Variants in CTNNA3 observed in about 807,000 individuals in gnomAD.
CTNNA3 encodes the protein catenin alpha-3.
CTNNA3 carries 76 observed loss-of-function variants against 95.7 expected under a neutral mutation model. The ratio of observed to expected loss-of-function variants is 0.79; its 90% CI spans 0.66 to 0.96. The LOEUF (loss-of-function observed/expected upper bound fraction) is 0.96, where lower values mean the gene tolerates loss of function less well. Ranked by LOEUF, CTNNA3 falls within the 40% of genes least tolerant of loss-of-function variation. CTNNA3 has a pLI of 0.00. For synonymous variants in CTNNA3, 431 were observed against 374.4 expected (o/e 1.15, Z -1.74); for missense variants, 1,191 against 1,089.8 (o/e 1.09, Z -1.31).
chr10:66,015,969 C>G (rs1164294591), intron 15 of CTNNA3, among the ~76,000 whole-genome samples: 2 of 152,046 alleles, frequency 1.3e-5, no homozygotes, highest in East Asian at 3.9e-4. Context: ...CCTCTATGTG[C>G]TTTCACTCAG....
intron 7 of CTNNA3, among the ~76,000 whole-genome samples, chr10:66,875,631 A>G (rs1013990564): frequency 7.4e-6 from 1 of 135,380 alleles, no homozygotes; most frequent in Non-Finnish European, 1.7e-5. Flanking sequence ...AACATAATAA[A>G]AAGCTTTAAA....
At chr10:67,048,036 A>T (rs1226564746) in intron 7 of CTNNA3, among the ~76,000 whole-genome samples, 1 of 152,166 alleles carries the variant, frequency 6.6e-6, no homozygotes. Context: ...TGAAAAACTT[A>T]GAAATTTGCT....
At chr10:66,413,036 A>G (rs959077085) in intron 11 of CTNNA3, among the ~76,000 whole-genome samples, 4 of 152,206 alleles carry the variant, frequency 2.6e-5, no homozygotes, top group African/African-American at 7.2e-5. Context: ...ATGTTGAGGA[A>G]ATGCTAATAA....
intron 13 of CTNNA3, among the ~76,000 whole-genome samples, chr10:66,246,539 C>T (rs1016309851): frequency 6.6e-6 from 1 of 152,064 alleles, no homozygotes; most frequent in Non-Finnish European, 1.5e-5. Flanking sequence ...CAATCTGGAG[C>T]AGCCACTGCC....
At chr10:65,955,183 C>T (rs966655806) in intron 17 of CTNNA3, among the ~76,000 whole-genome samples, 2 of 152,140 alleles carry the variant, frequency 1.3e-5, no homozygotes, top group Non-Finnish European at 2.9e-5. Flanking sequence ...ATTTGGCTCT[C>T]TGTTTGTCTG....
intron 11 of CTNNA3, among the ~76,000 whole-genome samples, chr10:66,519,125 A>G (rs1287428071): frequency 6.6e-6 from 1 of 152,182 alleles, no homozygotes; most frequent in African/African-American, 2.4e-5. Flanking sequence ...GGAAAAATGT[A>G]TATATAATTT....
At chr10:67,223,796 G>A (rs1052409819) in intron 5 of CTNNA3, among the ~76,000 whole-genome samples, 1 of 152,090 alleles carries the variant, frequency 6.6e-6, no homozygotes, top group Admixed American at 6.5e-5. Flanking sequence ...GCTAAATGTT[G>A]GAAATGCAAA....
chr10:66,699,418 AAC>A (rs1454509081), intron 9 of CTNNA3, among the ~76,000 whole-genome samples: 3 of 151,914 alleles, frequency 2.0e-5, no homozygotes, highest in Admixed American at 6.6e-5. Context: ...TTTTTTAAAT[AAC>A]AGCCATCTTA....
chr10:67,067,267 C>A (rs188348680), intron 7 of CTNNA3, among the ~76,000 whole-genome samples: 2 of 150,268 alleles, frequency 1.3e-5, no homozygotes, highest in East Asian at 2.0e-4. Context: ...GTATTAGAAT[C>A]ATTTTATGAC....
At chr10:67,481,265 A>C (rs904151439) in intron 5 of CTNNA3, among the ~76,000 whole-genome samples, 1 of 152,202 alleles carries the variant, frequency 6.6e-6, no homozygotes, top group Non-Finnish European at 1.5e-5. Context: ...ATAGTACTGG[A>C]AGTTCTAGCT....
Position 65,917,260 on chromosome 10 carries a change from C to G in CTNNA3, c.*3070G>C, listed in dbSNP as rs1466894872. ...ATAATAAACAGAAAGGAATAATGAA[C>G]AAATTAGCTTAGAAATTTAGTGTTT... On this transcript the variant is annotated 3_prime_UTR_variant, in exon 18 of 18. Coordinates refer to ENST00000433211, the MANE Select transcript of CTNNA3 (RefSeq NM_013266.4). The G allele has an allele frequency of 6.6e-6, 1 of 152,056 alleles. No homozygotes were observed. Among genetic ancestry groups the G allele is most frequent in the Non-Finnish European group, 1.5e-5 (1 of 67,996 alleles). 9.4% of individuals were successfully genotyped at this position (152,056 alleles called of 1,614,324 possible). A position where few individuals can be genotyped will look rare whatever the true frequency, so the allele number is the denominator to read the frequency against.
intron 15 of CTNNA3, among the ~76,000 whole-genome samples, chr10:66,027,308 A>T (rs1424649526): frequency 6.6e-6 from 1 of 152,192 alleles, no homozygotes; most frequent in Non-Finnish European, 1.5e-5. Flanking sequence ...TGATCATTTT[A>T]TTAAGGTGAA....
At chr10:67,353,963 C>G (rs1038122391) in intron 5 of CTNNA3, among the ~76,000 whole-genome samples, 1 of 151,944 alleles carries the variant, frequency 6.6e-6, no homozygotes, top group East Asian at 1.9e-4. Flanking sequence ...AATTGCAGTC[C>G]TTGCATTTTC....
At chr10:66,291,350 A>G (rs1293520445) in intron 12 of CTNNA3, among the ~76,000 whole-genome samples, 1 of 152,166 alleles carries the variant, frequency 6.6e-6, no homozygotes, top group Non-Finnish European at 1.5e-5. Flanking sequence ...TTAAGGCCCC[A>G]CCCATGGAGT....
At chr10:66,095,594 C>A (rs1168810196) in intron 14 of CTNNA3, among the ~76,000 whole-genome samples, 1 of 151,940 alleles carries the variant, frequency 6.6e-6, no homozygotes, top group Non-Finnish European at 1.5e-5. Flanking sequence ...AACCACTCAT[C>A]CATGGAATTG....
At chr10:66,525,271 C>G (rs1841213844) in intron 10 of CTNNA3, among the ~76,000 whole-genome samples, 1 of 151,872 alleles carries the variant, frequency 6.6e-6, no homozygotes, top group Non-Finnish European at 1.5e-5. Context: ...ATTACAAGGC[C>G]ACAGAAATGC....
intron 7 of CTNNA3, among the ~76,000 whole-genome samples, chr10:66,972,918 A>C (rs1460103606): frequency 1.3e-5 from 2 of 151,904 alleles, no homozygotes; most frequent in Non-Finnish European, 2.9e-5. Flanking sequence ...CACCATGTTG[A>C]CAAGTTTCAT....
chr10:66,178,341 A>G (rs1475880584), intron 13 of CTNNA3, among the ~76,000 whole-genome samples: 1 of 148,102 alleles, frequency 6.8e-6, no homozygotes, highest in African/African-American at 2.5e-5. Flanking sequence ...ATATGTGTAT[A>G]CACATATATA....
chr10:66,149,498 A>G (rs2084076725), intron 13 of CTNNA3, among the ~76,000 whole-genome samples: 1 of 151,350 alleles, frequency 6.6e-6, no homozygotes, highest in Admixed American at 6.6e-5. Flanking sequence ...ATTCAATCAA[A>G]TCATTTTGTG....
Sources: allele counts gnomAD v4.1 joint callset (sites outside exome capture counted in the v4.1 genomes callset), GRCh38; gene constraint gnomAD v4.1.1; transcripts MANE v1.5; gene names NCBI Gene and HGNC (gene_info 2026-07-23, HGNC 2026-07-21).